The following SYN2 variants were observed in gnomAD, a reference collection of about 807,000 sequenced individuals.
The protein encoded by SYN2 is synapsin II, also known as synapsin-2.
In SYN2, 19 loss-of-function variants were observed where a neutral mutation model predicts 50.9. That is an observed-to-expected ratio of 0.37 (90% CI 0.26 to 0.55). SYN2 has a LOEUF of 0.55. SYN2 is among the 20% of genes least tolerant of loss of function. SYN2 has a pLI of 0.81. For missense variants in SYN2, 587 were observed against 576.4 expected (o/e 1.02, Z -0.19); for synonymous variants, 255 against 224.9 (o/e 1.13, Z -1.20).
chr3:12,113,331 C>A (rs1696365231), intron 1 of SYN2, among the ~76,000 whole-genome samples: 1 of 152,116 alleles, frequency 6.6e-6, no homozygotes, highest in East Asian at 1.9e-4. Context: ...TTTACATTTT[C>A]TCCATAATAT....
intron 10 of SYN2, among the ~76,000 whole-genome samples, chr3:12,181,261 A>G (rs1698213435): frequency 6.6e-6 from 1 of 152,206 alleles, no homozygotes; most frequent in South Asian, 2.1e-4. Flanking sequence ...AACATTTGAG[A>G]TGATGCATTG....
At chr3:12,181,184 G>A (rs536269793) in intron 10 of SYN2, among the ~76,000 whole-genome samples, 1 of 152,366 alleles carries the variant, frequency 6.6e-6, no homozygotes, top group Admixed American at 6.5e-5. Context: ...ATGCCACATA[G>A]TCTTCTGTAA....
chr3:12,007,845 G>A (rs1693830048), intron 1 of SYN2, among the ~76,000 whole-genome samples: 1 of 152,164 alleles, frequency 6.6e-6, no homozygotes, highest in Admixed American at 6.5e-5. Context: ...TGACCAGGTT[G>A]ATGGGAAAAT....
chr3:12,088,582 A>G (rs1695760627), intron 1 of SYN2, among the ~76,000 whole-genome samples: 1 of 152,198 alleles, frequency 6.6e-6, no homozygotes, highest in Non-Finnish European at 1.5e-5. Flanking sequence ...TGTCGAAGAG[A>G]TATTTGCACT....
chr3:12,185,760 C>G, intron 11 of SYN2: 5 of 985,820 alleles, frequency 5.1e-6, no homozygotes, highest in Non-Finnish European at 6.0e-6. Flanking sequence ...TTCTGGCTAT[C>G]CAAGTATCTG....
chr3:12,122,688 T>C (rs1233191774), intron 1 of SYN2, among the ~76,000 whole-genome samples: 1 of 152,194 alleles, frequency 6.6e-6, no homozygotes, highest in Non-Finnish European at 1.5e-5. Flanking sequence ...CTTGGACTTA[T>C]ACTACATGGA....
In SYN2 at chr3:12,027,449, A is replaced by G. The variant is rs1434902785; in HGVS notation, c.377+22521A>G. Reference sequence around the variant, plus strand: ...CCTTTTTATCATTTGTGATCTTGAGATGTCCCTAGATCCTATGAGATTCCT... The same window carrying G: ...CCTTTTTATCATTTGTGATCTTGAGGTGTCCCTAGATCCTATGAGATTCCT... On this transcript the variant is annotated intron_variant, in intron 1 of 12. Coordinates refer to ENST00000621198, the MANE Select transcript of SYN2 (RefSeq NM_133625.6). 5.3e-5 allele frequency among the ~76,000 whole-genome samples: 8 copies of G among 152,116 alleles called. 1 individual carries two copies. The highest frequency in any genetic ancestry group is 1.9e-4 in the African/African-American group (8 of 41,408).
chr3:12,179,858 C>T lies in SYN2; in HGVS notation c.1309-3454C>T, dbSNP rs745421581. 5.6e-4 allele frequency among the ~76,000 whole-genome samples: 86 copies of T among 152,232 alleles called. 1 individual carries two copies. The highest frequency in any genetic ancestry group is 2.1e-4 in the Non-Finnish European group (14 of 68,040). On this transcript the variant is annotated intron_variant, in intron 10 of 12. Coordinates refer to ENST00000621198, the MANE Select transcript of SYN2 (RefSeq NM_133625.6). ...TGTCAAGACATAGACATACCTCCAGCTGCATCCAATTTTTGGCAGCATCAT... is the reference window on the plus strand; with the variant it reads ...TGTCAAGACATAGACATACCTCCAGTTGCATCCAATTTTTGGCAGCATCAT...
intron 5 of SYN2, chr3:12,158,940 A>G: frequency 2.1e-6 from 3 of 1,414,950 alleles, no homozygotes; most frequent in South Asian, 3.0e-5. Context: ...CCCAGGCTTT[A>G]TGAGGTGGCC....
At chr3:12,068,295 T>C (rs1351014940) in intron 1 of SYN2, among the ~76,000 whole-genome samples, 3 of 152,208 alleles carry the variant, frequency 2.0e-5, no homozygotes, top group Non-Finnish European at 2.9e-5. Context: ...TTCCTTAGAA[T>C]GTTGAAGGCA....
intron 4 of SYN2, among the ~76,000 whole-genome samples, chr3:12,150,034 T>C (rs985944699): frequency 3.3e-5 from 5 of 152,228 alleles, no homozygotes; most frequent in African/African-American, 9.6e-5. Context: ...TCCAGTTTTC[T>C]AACAACCCAG....
intron 10 of SYN2, among the ~76,000 whole-genome samples, chr3:12,177,475 G>T (rs1187506083): frequency 1.3e-5 from 2 of 152,152 alleles, no homozygotes; most frequent in Non-Finnish European, 2.9e-5. Flanking sequence ...CTAAGAAGGG[G>T]TTTCTTCACT....
intron 1 of SYN2, among the ~76,000 whole-genome samples, chr3:12,007,999 A>G (rs1048708317): frequency 6.6e-6 from 1 of 152,242 alleles, no homozygotes; most frequent in Non-Finnish European, 1.5e-5. Context: ...ATTATTTATT[A>G]TTAGTATTTT....
intron 1 of SYN2, among the ~76,000 whole-genome samples, chr3:12,077,788 C>T (rs1553613034): frequency 1.3e-5 from 2 of 152,126 alleles, no homozygotes; most frequent in Non-Finnish European, 2.9e-5. Context: ...CATACATGTG[C>T]ATGTATCTTT....
At position 12,187,468 on chromosome 3, in the gene SYN2, C is replaced by T. The variant is rs987995753; in HGVS notation, c.1469C>T (p.Ser490Phe). 2 of 1,401,992 alleles carry T rather than the reference C, an allele frequency of 1.4e-6. No homozygotes were observed. Among genetic ancestry groups the T allele is most frequent in the Non-Finnish European group, 9.8e-7 (1 of 1,021,172 alleles). 86.8% of individuals were successfully genotyped at this position (1,401,992 alleles called of 1,614,324 possible). The change falls in exon 12 of 13, where the codon TCC becomes TTC. Residue 490 changes from serine (S) to phenylalanine (F), a missense_variant. Transcript: ENST00000621198. ...TCACTGCCACCTTCCTCCTCTTCCT[C>T]CTCTTCTTCCTCCTCCTCGGCTCCT... Reference protein sequence around the residue: ...GPSLPPSSSSSSSSSSSAPQR... With the variant: ...GPSLPPSSSSFSSSSSSAPQR...
intron 1 of SYN2, among the ~76,000 whole-genome samples, chr3:12,077,690 C>T (rs1166932706): frequency 2.0e-5 from 3 of 152,060 alleles, no homozygotes; most frequent in Non-Finnish European, 4.4e-5. Context: ...ATGGTGTATA[C>T]GTACCACATT....
At chr3:12,058,215 A>T (rs547146720) in intron 1 of SYN2, among the ~76,000 whole-genome samples, 2 of 152,328 alleles carry the variant, frequency 1.3e-5, no homozygotes, top group Admixed American at 1.3e-4. Context: ...TAAGTTGATT[A>T]TCTTAACAGT....
At chr3:12,167,697 G>A (rs896304899) in intron 8 of SYN2, among the ~76,000 whole-genome samples, 13 of 152,010 alleles carry the variant, frequency 8.6e-5, no homozygotes, top group Non-Finnish European at 1.8e-4. Flanking sequence ...AAAGATAGTT[G>A]AAAATGTGGA....
chr3:12,083,244 T>G (rs537109005), intron 1 of SYN2, among the ~76,000 whole-genome samples: 1 of 152,336 alleles, frequency 6.6e-6, no homozygotes, highest in South Asian at 2.1e-4. Flanking sequence ...ACTCCTGACC[T>G]CAGGTGATCT....
Sources: gnomAD v4.1 joint callset for allele counts (sites outside exome capture counted in the v4.1 genomes callset) on GRCh38, gnomAD v4.1.1 for gene constraint, MANE v1.5 for transcripts, NCBI Gene and HGNC (gene_info 2026-07-23, HGNC 2026-07-21) for gene names.